The following ASB7 variants were observed in gnomAD, a reference collection of about 807,000 sequenced individuals.
The protein encoded by ASB7 is ankyrin repeat and SOCS box protein 7.
In ASB7, 4 loss-of-function variants were observed where a neutral mutation model predicts 32.5. The ratio of observed to expected loss-of-function variants is 0.12; its 90% confidence interval spans 0.06 to 0.28. The LOEUF is 0.28. Among genes scored for constraint, ASB7 ranks in the 10% least tolerant of loss-of-function variants. The pLI is 1.00. For missense variants in ASB7, 181 were observed against 407.1 expected, an observed-to-expected ratio of 0.44 and a Z score of 4.78; for synonymous variants, 172 against 155.6, an observed-to-expected ratio of 1.11 and a Z score of -0.78.
At chr15:100,630,632 C>G (rs2039876455) in intron 5 of ASB7, among the ~76,000 whole-genome samples, 1 of 152,146 alleles carries the variant, frequency 6.6e-6, no homozygotes, top group Non-Finnish European at 1.5e-5. Flanking sequence ...CACCACTGTC[C>G]CTGGACCACA....
chr15:100,606,165 C>G (rs1447759969), intron 2 of ASB7, among the ~76,000 whole-genome samples: 1 of 150,822 alleles, frequency 6.6e-6, no homozygotes, highest in East Asian at 2.0e-4. Flanking sequence ...CCTCTTAGAT[C>G]TTGTGAATGT....
At chr15:100,646,505 CAT>C (rs1192287359) in intron 5 of ASB7, 16 of 459,846 alleles carry the variant, frequency 3.5e-5, no homozygotes, top group Admixed American at 3.1e-4. Flanking sequence ...TCAAACTCCA[CAT>C]ATTTGTGGAA....
chr15:100,608,329 A>C (rs778896472), intron 2 of ASB7, among the ~76,000 whole-genome samples: 5 of 152,328 alleles, frequency 3.3e-5, no homozygotes, highest in Non-Finnish European at 7.4e-5. Flanking sequence ...CATGTTTGTC[A>C]CCACCTTGAG....
chr15:100,611,481 A>ATTTTTTTTTT (rs1188398570), intron 3 of ASB7, among the ~76,000 whole-genome samples: 9 of 13,276 alleles, frequency 6.8e-4, no homozygotes, highest in Admixed American at 2.5e-3. Flanking sequence ...GATTGTTTCG[A>ATTTTTTTTTT]TTCTTTTTTT....
At chr15:100,624,270 A>G (rs894864425) in intron 4 of ASB7, among the ~76,000 whole-genome samples, 3 of 152,184 alleles carry the variant, frequency 2.0e-5, no homozygotes, top group African/African-American at 4.8e-5. Context: ...ACAACAATGT[A>G]TTATGTATCT....
intron 4 of ASB7, among the ~76,000 whole-genome samples, chr15:100,626,325 C>G (rs2039836670): frequency 6.6e-6 from 1 of 152,080 alleles, no homozygotes; most frequent in Non-Finnish European, 1.5e-5. Flanking sequence ...AGGAGGTGAA[C>G]AGACAATTCA....
intron 5 of ASB7, 99 bp from the exon 6 acceptor site, chr15:100,648,224 A>C (rs188412002): frequency 7.7e-7 from 1 of 1,297,172 alleles, no homozygotes; most frequent in African/African-American, 1.5e-5. Context: ...TGTCAAGTCC[A>C]TAGAGAGAAC....
intron 5 of ASB7, among the ~76,000 whole-genome samples, chr15:100,637,005 ACT>A (rs1423652651): frequency 6.6e-6 from 1 of 152,182 alleles, no homozygotes; most frequent in Non-Finnish European, 1.5e-5. Context: ...CCCGCCAGAC[ACT>A]CTCAGGAAAA....
At chr15:100,645,661 G>A (rs939849605) in intron 5 of ASB7, 1 of 1,304,388 alleles carries the variant, frequency 7.7e-7, no homozygotes, top group Non-Finnish European at 1.1e-6. Flanking sequence ...CTGTATGTGA[G>A]GTTAGGGACG....
In ASB7 at chr15:100,648,581, T is replaced by A; in HGVS notation, c.*119T>A. 1 of 895,736 alleles carries A rather than the reference T, an allele frequency of 1.1e-6. No individual in the cohort carries two copies. The highest frequency in any genetic ancestry group is 1.6e-6 in the Non-Finnish European group (1 of 626,620). 55.5% of individuals were successfully genotyped at this position (895,736 alleles called of 1,614,324 possible). On this transcript the variant is annotated 3_prime_UTR_variant, in exon 6 of 6. Transcript: ENST00000332783. The stretch of plus-strand genomic sequence containing the variant: ...TTGCTGTGAAATCAGAAAGCAGGTA[T>A]ACACTTTTGGGTTTTCTGTTTGTTT...
chr15:100,610,786 C>T (rs148993327), intron 3 of ASB7, among the ~76,000 whole-genome samples: 62 of 152,256 alleles, frequency 4.1e-4, no homozygotes, highest in African/African-American at 1.4e-3. Context: ...CATATGAGAA[C>T]AGAAATGTCT....
At chr15:100,620,160 A>G (rs1028612320) in intron 4 of ASB7, among the ~76,000 whole-genome samples, 1 of 152,186 alleles carries the variant, frequency 6.6e-6, no homozygotes, top group Non-Finnish European at 1.5e-5. Flanking sequence ...GTGGTAGAAA[A>G]TGGCATAGTA....
chr15:100,642,600 T>G (rs2039968765), intron 5 of ASB7, among the ~76,000 whole-genome samples: 1 of 128,664 alleles, frequency 7.8e-6, no homozygotes. Context: ...AAAGCCCCAC[T>G]TTCAGGTCCC....
intron 5 of ASB7, chr15:100,638,417 C>T (rs1384008721): frequency 6.6e-6 from 1 of 152,182 alleles, no homozygotes; most frequent in Non-Finnish European, 1.5e-5. Flanking sequence ...CCTCGTTCTC[C>T]TCTTTCCTCC....
intron 4 of ASB7, among the ~76,000 whole-genome samples, chr15:100,624,044 A>G (rs1047595479): frequency 2.0e-5 from 3 of 152,222 alleles, no homozygotes; most frequent in African/African-American, 7.2e-5. Context: ...TGTGAGGTGA[A>G]ATAAGTCAAG....
At chr15:100,616,443 T>C (rs1294666111) in intron 4 of ASB7, among the ~76,000 whole-genome samples, 1 of 152,214 alleles carries the variant, frequency 6.6e-6, no homozygotes, top group Non-Finnish European at 1.5e-5. Flanking sequence ...ATTATTTGCC[T>C]TTGTTTTCTT....
intron 5 of ASB7, chr15:100,645,762 A>G: frequency 1.9e-6 from 3 of 1,583,430 alleles, no homozygotes; most frequent in Non-Finnish European, 2.6e-6. Flanking sequence ...CAAAGTGGAG[A>G]ATAGGAAATA....
intron 5 of ASB7, among the ~76,000 whole-genome samples, chr15:100,643,641 C>T (rs1321970925): frequency 5.3e-5 from 8 of 151,590 alleles, no homozygotes; most frequent in African/African-American, 1.9e-4. Flanking sequence ...AGGTGCCCGC[C>T]ACCACGCCTG....
chr15:100,639,134 G>A (rs1178145741), intron 5 of ASB7, among the ~76,000 whole-genome samples: 1 of 152,134 alleles, frequency 6.6e-6, no homozygotes, highest in African/African-American at 2.4e-5. Context: ...ATTTTGATTT[G>A]TATGTTTTAA....
Sources: gnomAD v4.1 joint callset for allele counts (sites outside exome capture counted in the v4.1 genomes callset) on GRCh38, gnomAD v4.1.1 for gene constraint, MANE v1.5 for transcripts, NCBI Gene and HGNC (gene_info 2026-07-23, HGNC 2026-07-21) for gene names.